The following DAB1 variants were observed in gnomAD, a reference collection of about 807,000 sequenced individuals.
DAB1 encodes DAB adaptor protein 1.
Under a neutral mutation model 64.6 loss-of-function variants are expected in DAB1, and 15 were observed. The ratio of observed to expected loss-of-function variants is 0.23; its 90% CI spans 0.16 to 0.36. The LOEUF (loss-of-function observed/expected upper bound fraction) is 0.36, where lower values mean the gene tolerates loss of function less well. DAB1 is among the 10% of genes least tolerant of loss of function. The pLI is 1.00. For missense variants in DAB1, 596 were observed against 706.7 expected, an observed-to-expected ratio of 0.84 and a Z score of 1.78; for synonymous variants, 235 against 251.9, an observed-to-expected ratio of 0.93 and a Z score of 0.64.
chr1:57,033,382 T>TTA, intron 9 of DAB1: 1 of 1,612,846 alleles, frequency 6.2e-7, no homozygotes, highest in Non-Finnish European at 8.5e-7. Context: ...CCTCAAGGCC[T>TTA]TACCTTCGTT....
intron 3 of DAB1, among the ~76,000 whole-genome samples, chr1:58,430,694 A>G (rs1644861660): frequency 6.6e-6 from 1 of 152,216 alleles, no homozygotes; most frequent in Non-Finnish European, 1.5e-5. Flanking sequence ...TTATTGTGAC[A>G]AGACAATGCA....
intron 4 of DAB1, among the ~76,000 whole-genome samples, chr1:58,263,890 T>C (rs916677828): frequency 5.3e-5 from 8 of 152,260 alleles, no homozygotes; most frequent in Non-Finnish European, 1.0e-4. Flanking sequence ...CATAAATGAA[T>C]GTTGGAATAC....
rs182791761 is a variant in DAB1 at position 58,090,379 on chromosome 1, T to G, written n.387+60132A>C. Among the ~76,000 whole-genome samples the G allele has an allele frequency of 2.0e-5, 3 of 152,272 alleles. No individual in the cohort carries two copies. In the East Asian group the frequency reaches 5.8e-4, roughly 29 times the overall value. On this transcript the variant is annotated intron_variant and non_coding_transcript_variant, in intron 5 of 20. Transcript: ENST00000485760. ...AGGAGTGTGGGTGAGAAGGTCTGAGTGTGTTAGAGTCAGACTCTTGGTCGC... is the reference window on the plus strand; with the variant it reads ...AGGAGTGTGGGTGAGAAGGTCTGAGGGTGTTAGAGTCAGACTCTTGGTCGC...
intron 7 of DAB1, among the ~76,000 whole-genome samples, chr1:57,483,212 A>T (rs1644046440): frequency 6.6e-6 from 1 of 152,168 alleles, no homozygotes; most frequent in Non-Finnish European, 1.5e-5. Flanking sequence ...AAGAATAGTT[A>T]ATTTACTGAT....
intron 4 of DAB1, among the ~76,000 whole-genome samples, chr1:57,107,289 C>T (rs1260823071): frequency 6.6e-6 from 1 of 150,910 alleles, no homozygotes; most frequent in African/African-American, 2.4e-5. Context: ...GCAGGAGAAT[C>T]GCTTGAACCG....
At chr1:58,363,846 G>A (rs1309034989) in intron 3 of DAB1, among the ~76,000 whole-genome samples, 5 of 150,018 alleles carry the variant, frequency 3.3e-5, no homozygotes, top group Non-Finnish European at 7.5e-5. Context: ...CTGCACTGGG[G>A]AGCCTCAGGG....
chr1:57,258,418 C>T (rs960468267), intron 2 of DAB1, among the ~76,000 whole-genome samples: 8 of 152,084 alleles, frequency 5.3e-5, no homozygotes, highest in Non-Finnish European at 1.0e-4. Context: ...AACCATTTCC[C>T]TTCTTACTTC....
rs116853076 is a variant in DAB1, at chr1:57,290,635, T to C, written c.67+329A>G. 7.2e-4 allele frequency among the ~76,000 whole-genome samples: 109 copies of C among 152,252 alleles called. 1 individual carries two copies. In the East Asian group the frequency reaches 0.02, roughly 28 times the overall value. Reference sequence around the variant, plus strand: ...ATTATGAGAAAAGTTTTGGATCTTATCTGGAGAATAATGAAGAGCCATTAC... The same window carrying C: ...ATTATGAGAAAAGTTTTGGATCTTACCTGGAGAATAATGAAGAGCCATTAC... On this transcript the variant is annotated intron_variant, in intron 2 of 14. Coordinates refer to ENST00000371236, the MANE Select transcript of DAB1 (RefSeq NM_001365792.1).
At chr1:58,308,754 GA>G (rs1156880677) in intron 4 of DAB1, among the ~76,000 whole-genome samples, 1 of 152,130 alleles carries the variant, frequency 6.6e-6, no homozygotes, top group Non-Finnish European at 1.5e-5. Flanking sequence ...CCTCTGTGCA[GA>G]AATCACTAGA....
At chr1:58,407,010 AAT>A (rs1644623006) in intron 3 of DAB1, among the ~76,000 whole-genome samples, 1 of 152,174 alleles carries the variant, frequency 6.6e-6, no homozygotes, top group African/African-American at 2.4e-5. Flanking sequence ...GTAGCAGAGA[AAT>A]AGAGATGTGA....
intron 7 of DAB1, among the ~76,000 whole-genome samples, chr1:57,454,615 T>C (rs1686511588): frequency 6.6e-6 from 1 of 152,138 alleles, no homozygotes; most frequent in Non-Finnish European, 1.5e-5. Context: ...GACACGAGTT[T>C]ACCTATTTAA....
intron 7 of DAB1, among the ~76,000 whole-genome samples, chr1:57,586,225 A>G (rs1645378586): frequency 6.6e-6 from 1 of 152,138 alleles, no homozygotes; most frequent in South Asian, 2.1e-4. Flanking sequence ...ACTAAGAGAA[A>G]CTTTTCTCTC....
In DAB1 at chr1:57,985,100, G is replaced by A. The variant is rs1004330523; in HGVS notation, n.388-100938C>T. ...TTTTTGTATTTTCAGTAGAGATGGG[G>A]TTTCACCAGTTTGACCAGGCTGATC... On this transcript the variant is annotated intron_variant and non_coding_transcript_variant, in intron 5 of 20. Coordinates refer to the DAB1 transcript ENST00000485760. Among the ~76,000 whole-genome samples, 4 of 152,224 alleles carry A rather than the reference G, an allele frequency of 2.6e-5. No homozygotes were observed. In the East Asian group the frequency reaches 5.8e-4, roughly 22 times the overall value.
At chr1:57,839,852 A>G (rs943933972) in intron 1 of DAB1, among the ~76,000 whole-genome samples, 3 of 152,202 alleles carry the variant, frequency 2.0e-5, no homozygotes, top group African/African-American at 7.2e-5. Flanking sequence ...CACTGGGAAA[A>G]GTAAGATCCC....
intron 5 of DAB1, among the ~76,000 whole-genome samples, chr1:57,968,783 T>A (rs1645729687): frequency 6.6e-6 from 1 of 152,108 alleles, no homozygotes; most frequent in Non-Finnish European, 1.5e-5. Flanking sequence ...TATGTCCAAG[T>A]TTCAAAGCAG....
At chr1:58,476,871 A>G (rs1645423745) in intron 3 of DAB1, among the ~76,000 whole-genome samples, 1 of 152,200 alleles carries the variant, frequency 6.6e-6, no homozygotes, top group Non-Finnish European at 1.5e-5. Flanking sequence ...CGTAAGTGGC[A>G]GTACATGGAG....
intron 6 of DAB1, among the ~76,000 whole-genome samples, chr1:57,684,708 A>G (rs1219166598): frequency 6.6e-6 from 1 of 152,194 alleles, no homozygotes; most frequent in East Asian, 1.9e-4. Flanking sequence ...AGCAACTACA[A>G]AATCAAGTCT....
intron 9 of DAB1, among the ~76,000 whole-genome samples, chr1:57,036,762 G>A (rs1647170728): frequency 6.6e-6 from 1 of 152,044 alleles, no homozygotes; most frequent in Non-Finnish European, 1.5e-5. Context: ...ATATTCTCAT[G>A]TTGTTTCAAT....
At chr1:57,796,051 C>T (rs1267679616) in intron 6 of DAB1, among the ~76,000 whole-genome samples, 1 of 151,866 alleles carries the variant, frequency 6.6e-6, no homozygotes, top group East Asian at 1.9e-4. Context: ...TTCATGTGTG[C>T]AGATAAAATG....
Sources: gnomAD v4.1 joint callset for allele counts (sites outside exome capture counted in the v4.1 genomes callset) on GRCh38, gnomAD v4.1.1 for gene constraint, MANE v1.5 for transcripts, NCBI Gene and HGNC (gene_info 2026-07-23, HGNC 2026-07-21) for gene names.